Variants in PHKA2 observed in about 807,000 individuals in gnomAD.
The protein encoded by PHKA2 is phosphorylase b kinase regulatory subunit alpha, liver isoform.
Under a neutral mutation model 102.0 loss-of-function variants are expected in PHKA2, and 31 were observed. That is an observed-to-expected ratio of 0.30 (90% CI 0.23 to 0.41). The LOEUF (loss-of-function observed/expected upper bound fraction) is 0.41, where lower values mean the gene tolerates loss of function less well. PHKA2 is among the 10% of genes least tolerant of loss of function. PHKA2 has a pLI of 1.00. For synonymous variants in PHKA2, 455 were observed against 416.2 expected (o/e 1.09, Z -1.13); for missense variants, 858 against 1,023.1 (o/e 0.84, Z 2.20).
intron 2 of PHKA2, 26 bp downstream of exon 2, chrX:18,954,228 G>A (rs374236564): frequency 6.6e-6 from 8 of 1,204,046 alleles, no homozygotes; most frequent in Non-Finnish European, 9.0e-6. Context: ...CTGAGCAGCC[G>A]AGATACAGCT....
At chrX:18,963,770 T>C (rs1348962475) in intron 1 of PHKA2, among the ~76,000 whole-genome samples, 1 of 111,919 alleles carries the variant, frequency 8.9e-6, no homozygotes, top group African/African-American at 3.3e-5. Context: ...GCAAACTACT[T>C]ATATCTAACA....
Position 18,983,894 on chromosome X carries a change from C to A in PHKA2, c.39G>T (p.Gly13=). 2 of 1,211,656 alleles carry A rather than the reference C, an allele frequency of 1.7e-6. No homozygotes were observed. The highest frequency in any genetic ancestry group is 2.2e-6 in the Non-Finnish European group (2 of 895,071). The change falls in exon 1 of 33, where the codon GGG becomes GGT. Residue 13 remains glycine (G), a synonymous_variant. Coordinates refer to ENST00000379942, the MANE Select transcript of PHKA2 (RefSeq NM_000292.3). ...TGGTTTGCTGCACCAGCCGCGCGTA[C>A]CCGTCCAAGCGGACCCCGGAATTGC... The part of the protein sequence containing the change: ...SRSNSGVRLD[G]YARLVQQTIL...
rs181978326 is a variant in PHKA2 at position 18,913,163 on chromosome X, G to A, written c.2138-2203C>T. On this transcript the variant is annotated intron_variant, in intron 19 of 32. Transcript: ENST00000379942. ...CCCTTGCCATGAATGGAGCTTGCAG[G>A]ACTGGAAGTTGCTCTGGGTGACTGG... Among the ~76,000 whole-genome samples the A allele has an allele frequency of 8.7e-4, 97 of 111,108 alleles. 1 individual carries two copies. Among genetic ancestry groups the A allele is most frequent in the African/African-American group, 2.9e-3 (88 of 30,639 alleles).
chrX:18,904,764 T>G (rs960517422), intron 26 of PHKA2, among the ~76,000 whole-genome samples: 1 of 112,272 alleles, frequency 8.9e-6, no homozygotes, highest in African/African-American at 3.2e-5. Flanking sequence ...ATGTCCTTCT[T>G]ATTAAATAAT....
intron 28 of PHKA2, among the ~76,000 whole-genome samples, chrX:18,899,889 T>C (rs141150545): frequency 9.0e-6 from 1 of 111,721 alleles, no homozygotes; most frequent in Non-Finnish European, 1.9e-5. Flanking sequence ...GCTAGGTGAC[T>C]CTAAGCCCAG....
chrX:18,897,019 A>C, intron 30 of PHKA2, 144 bp downstream of exon 30: 5 of 677,394 alleles, frequency 7.4e-6, no homozygotes, highest in Non-Finnish European at 1.2e-5. Flanking sequence ...CTAGCAGAGA[A>C]TGCCTCGGCC....
In PHKA2 at chrX:18,963,976, G is replaced by C. The variant is rs780767500; in HGVS notation, c.79-9564C>G. On this transcript the variant is annotated intron_variant, in intron 1 of 32. Transcript: ENST00000379942. ...CCTCCTGAAAGGGTGGTCACAGAAAGACCACCCTTTCTGTGTCTCTAGGTC... is the reference window on the plus strand; with the variant it reads ...CCTCCTGAAAGGGTGGTCACAGAAACACCACCCTTTCTGTGTCTCTAGGTC... 3.6e-5 allele frequency among the ~76,000 whole-genome samples: 4 copies of C among 110,601 alleles called. No individual in the cohort carries two copies. The East Asian group carries it at 8.7e-4, about 24-fold the overall frequency.
chrX:18,894,611 C>T, intron 31 of PHKA2: 3 of 461,629 alleles, frequency 6.5e-6, no homozygotes, highest in East Asian at 7.4e-5. Flanking sequence ...CCAGCCTGTC[C>T]TCGCCTGATT....
At chrX:18,958,858 T>C (rs1020474936) in intron 1 of PHKA2, among the ~76,000 whole-genome samples, 30 of 111,266 alleles carry the variant, frequency 2.7e-4, no homozygotes, top group African/African-American at 9.8e-4. Context: ...TACAGGCACA[T>C]GCCACCACAC....
chrX:18,898,820 T>C (rs1377358208), intron 29 of PHKA2, among the ~76,000 whole-genome samples: 1 of 111,821 alleles, frequency 8.9e-6, no homozygotes, highest in Non-Finnish European at 1.9e-5. Flanking sequence ...AGAGTGCTAG[T>C]TGGCACATGT....
chrX:18,960,400 G>T (rs981329161), intron 1 of PHKA2, among the ~76,000 whole-genome samples: 1 of 111,886 alleles, frequency 8.9e-6, no homozygotes, highest in African/African-American at 3.2e-5. Context: ...GTTGGCTCAT[G>T]GTTCTGTGGG....
intron 26 of PHKA2, among the ~76,000 whole-genome samples, chrX:18,901,999 C>T (rs955414787): frequency 6.4e-5 from 7 of 110,092 alleles, no homozygotes; most frequent in Admixed American, 2.9e-4. Context: ...CCCGCCATCA[C>T]GCCCGGCTAA....
At position 18,924,439 on chromosome X, in the gene PHKA2, G is replaced by A. The variant is rs983227223; in HGVS notation, c.1656C>T (p.Thr552=). 1 of 1,210,191 alleles carries A rather than the reference G, an allele frequency of 8.3e-7. No individual in the cohort carries two copies. Among genetic ancestry groups the A allele is most frequent in the Non-Finnish European group, 1.1e-6 (1 of 894,138 alleles). Residue 552 remains threonine (T), a synonymous_variant, in exon 16 of 33, where the codon ACC becomes ACT. Transcript: ENST00000379942. The stretch of plus-strand genomic sequence containing the variant: ...TGGGTCTGCCCGTCATCCTCCAGCA[G>A]GTGCACAGGTAGGCCAGCTCGATCC... ...MLRIELAYLC[T]CWRMTGRPTL...
At chrX:18,961,186 G>A (rs1403778268) in intron 1 of PHKA2, among the ~76,000 whole-genome samples, 2 of 111,778 alleles carry the variant, frequency 1.8e-5, no homozygotes, top group South Asian at 3.7e-4. Context: ...CCACTCTAGC[G>A]CAAGGTCCTG....
In PHKA2 at chrX:18,959,646, T is replaced by C. The variant is rs144911283; in HGVS notation, c.79-5234A>G. 5.7e-3 allele frequency among the ~76,000 whole-genome samples: 629 copies of C among 111,318 alleles called. 6 individuals are homozygous for C. Among genetic ancestry groups the C allele is most frequent in the African/African-American group, 0.019 (593 of 30,555 alleles). ...TACTTTGCTAAACTCTCTGTATACT[T>C]TGCCTGAAAAAAATCATGACTAAAT... is the stretch of plus-strand genomic sequence containing the variant. On this transcript the variant is annotated intron_variant, in intron 1 of 32. Coordinates refer to ENST00000379942, the MANE Select transcript of PHKA2 (RefSeq NM_000292.3).
At chrX:18,959,811 T>C (rs1227674331) in intron 1 of PHKA2, among the ~76,000 whole-genome samples, 4 of 111,606 alleles carry the variant, frequency 3.6e-5, no homozygotes, top group African/African-American at 1.3e-4. Flanking sequence ...CTAAGAATCA[T>C]AAGCAGTAGG....
chrX:18,914,273 T>C (rs1489022839), intron 19 of PHKA2, among the ~76,000 whole-genome samples: 2 of 112,242 alleles, frequency 1.8e-5, no homozygotes, highest in African/African-American at 6.5e-5. Flanking sequence ...ATGTGGTGCA[T>C]AACTGTATAT....
At chrX:18,918,570 C>T (rs2048059133) in intron 19 of PHKA2, 111 bp downstream of exon 19, 5 of 706,607 alleles carry the variant, frequency 7.1e-6, no homozygotes, top group Non-Finnish European at 6.8e-6. Context: ...AGTAGAAGCA[C>T]GTGGGGGGCA....
At position 18,931,733 on chromosome X, in the gene PHKA2, T is replaced by C. The variant is rs796704499; in HGVS notation, c.1153A>G (p.Lys385Glu). ...VPPNKVDEEY[K>E]NPHTVDRVPM... is the part of the protein sequence containing the mutation. ...ACTCGGTCTACTGTGTGAGGATTCT[T>C]GTACTCTTCATCTACCTGGAAAGAG... Residue 385 changes from lysine (K) to glutamate (E), a missense_variant, in exon 12 of 33, where the codon AAG becomes GAG. By Grantham distance (56) the Lys-to-Glu change is moderately conservative. Transcript: ENST00000379942. 8.4e-7 allele frequency: 1 copy of C among 1,185,427 alleles called. No individual in the cohort carries two copies. The highest frequency in any genetic ancestry group is 1.8e-5 in the South Asian group (1 of 56,351).
Sources: allele counts gnomAD v4.1 joint callset (sites outside exome capture counted in the v4.1 genomes callset), GRCh38; gene constraint gnomAD v4.1.1; transcripts MANE v1.5; gene names NCBI Gene and HGNC (gene_info 2026-07-23, HGNC 2026-07-21).